The following AFAP1L1 variants were observed in gnomAD, a reference collection of about 807,000 sequenced individuals.
AFAP1L1 encodes actin filament-associated protein 1-like 1.
Under a neutral mutation model 99.8 loss-of-function variants are expected in AFAP1L1, and 77 were observed. The ratio of observed to expected loss-of-function variants is 0.77; its 90% CI spans 0.64 to 0.93. The LOEUF is 0.93. Among genes scored for constraint, AFAP1L1 ranks in the 40% least tolerant of loss-of-function variants. AFAP1L1 has a pLI of 0.00. For missense variants in AFAP1L1, 893 were observed against 996.8 expected (o/e 0.90, Z 1.40); for synonymous variants, 373 against 395.3 (o/e 0.94, Z 0.67).
intron 1 of AFAP1L1, among the ~76,000 whole-genome samples, chr5:149,298,784 C>T (rs187420451): frequency 4.2e-3 from 639 of 152,316 alleles, no homozygotes; most frequent in Middle Eastern, 0.014. Context: ...GATCTTGCAA[C>T]TCAGATGGTC....
At chr5:149,312,336 GGCACAACAGTA>G in intron 9 of AFAP1L1, 132 bp downstream of exon 9, 1 of 832,824 alleles carries the variant, frequency 1.2e-6, no homozygotes, top group Non-Finnish European at 2.1e-6. Flanking sequence ...GCACAGAGCT[GGCACAACAGTA>G]GGTGCTTAAT....
In AFAP1L1 at chr5:149,327,343, A is replaced by G. The variant is rs188925436; in HGVS notation, c.1811-2323A>G. ...ATAACAAACTTCCATAAGCTGGGTA[A>G]CTTATAAACAACAGAAATGTATTTC... is the stretch of plus-strand genomic sequence containing the variant. On this transcript the variant is annotated intron_variant, in intron 15 of 18. Transcript: ENST00000296721. 5.8e-4 allele frequency among the ~76,000 whole-genome samples: 88 copies of G among 152,290 alleles called. 1 individual carries two copies. In the South Asian group the frequency reaches 8.9e-3, roughly 15 times the overall value.
chr5:149,291,679 G>C (rs1367867778), intron 1 of AFAP1L1, among the ~76,000 whole-genome samples: 2 of 151,982 alleles, frequency 1.3e-5, no homozygotes, highest in Admixed American at 6.5e-5. Flanking sequence ...AGGGCGACTT[G>C]CCTCCCCACT....
In AFAP1L1 at chr5:149,332,850, G is replaced by C; in HGVS notation, c.2131G>C (p.Val711Leu). 6.2e-7 allele frequency: 1 copy of C among 1,604,270 alleles called. No homozygotes were observed. Among genetic ancestry groups the C allele is most frequent in the South Asian group, 1.1e-5 (1 of 89,902 alleles). ...LAGGPALGLSVSSKPKSGETA... is the reference protein window; with the variant it reads ...LAGGPALGLSLSSKPKSGETA... ...AGGAGGGCCAGCCCTGGGGCTCTCC[G>C]TGAGCAGCAAGCCCAAGAGTGGGGT... Residue 711 changes from valine (V) to leucine (L), a missense_variant, in exon 17 of 19, where the codon GTG (valine) becomes CTG (leucine). Val to Leu is a conservative substitution (Grantham distance 32, BLOSUM62 1). Coordinates refer to ENST00000296721, the MANE Select transcript of AFAP1L1 (RefSeq NM_152406.4).
intron 5 of AFAP1L1, among the ~76,000 whole-genome samples, chr5:149,303,108 A>AT (rs1318373729): frequency 2.0e-5 from 3 of 152,344 alleles, no homozygotes; most frequent in Middle Eastern, 3.4e-3. Flanking sequence ...TTAATTCAAC[A>AT]TATCTTTTAA....
chr5:149,309,356 A>G (rs1035641667), intron 7 of AFAP1L1, among the ~76,000 whole-genome samples: 2 of 152,178 alleles, frequency 1.3e-5, no homozygotes, highest in Admixed American at 6.5e-5. Flanking sequence ...TTGCATTCCT[A>G]GAATAAACCC....
intron 5 of AFAP1L1, among the ~76,000 whole-genome samples, chr5:149,303,779 T>C (rs1457531948): frequency 6.6e-6 from 1 of 152,210 alleles, no homozygotes; most frequent in Non-Finnish European, 1.5e-5. Context: ...AATAGAAATA[T>C]GGGTGAAGGG....
chr5:149,317,638 G>A (rs1756832696), intron 11 of AFAP1L1, 91 bp from the exon 12 acceptor site: 40 of 1,371,110 alleles, frequency 2.9e-5, no homozygotes, highest in Middle Eastern at 4.2e-4. Flanking sequence ...GGACCCCGAG[G>A]CCTTCTTTCC....
chr5:149,320,585 G>C lies in AFAP1L1; in HGVS notation c.1698+122G>C. On this transcript the variant is annotated intron_variant, in intron 14 of 18. Transcript: ENST00000296721. This position sits in a 1 kb window ranked among gnomAD's most constrained non-coding sequence, Gnocchi z 4.0. ...TTCATTTAAGCAGCAGTAGCTAGAA[G>C]GGGAGCCCCTTCTTATCATAGAGCA... 1 of 874,496 alleles carries C rather than the reference G, an allele frequency of 1.1e-6. No homozygotes were observed. Among genetic ancestry groups the C allele is most frequent in the South Asian group, 1.6e-5 (1 of 64,064 alleles). The allele number at this position is 874,496 out of a possible 1,614,324, so 54.2% of individuals were successfully genotyped here.
chr5:149,330,921 TA>T lies in AFAP1L1; in HGVS notation c.1975+1099del, dbSNP rs1387441485. The stretch of plus-strand genomic sequence containing the variant: ...ATGCCTGATACATGGTAAGCATTTT[TA>T]AAAAAAATTTTTTTTTAATTTTTGC... On this transcript the variant is annotated intron_variant, in intron 16 of 18. Coordinates refer to ENST00000296721, the MANE Select transcript of AFAP1L1 (RefSeq NM_152406.4). Among the ~76,000 whole-genome samples, 51 of 152,138 alleles carry T rather than the reference TA, an allele frequency of 3.4e-4. 2 individuals carry two copies. The highest frequency in any genetic ancestry group is 1.3e-4 in the Non-Finnish European group (9 of 68,036).
intron 18 of AFAP1L1, among the ~76,000 whole-genome samples, chr5:149,338,807 G>T (rs568163541): frequency 1.2e-3 from 185 of 152,342 alleles, no homozygotes; most frequent in African/African-American, 4.2e-3. Context: ...GACCTGAATG[G>T]AGTGTGAGGG....
At chr5:149,314,703 G>A (rs1241366879) in intron 9 of AFAP1L1, among the ~76,000 whole-genome samples, 2 of 152,180 alleles carry the variant, frequency 1.3e-5, no homozygotes, top group Non-Finnish European at 1.5e-5. Flanking sequence ...TTTGGAAACT[G>A]AGAGGTGCAC....
At position 149,340,359 on chromosome 5, in the gene AFAP1L1, G is replaced by GT; in HGVS notation, c.*330dup. On this transcript the variant is annotated 3_prime_UTR_variant, in exon 19 of 19. Coordinates refer to ENST00000296721, the MANE Select transcript of AFAP1L1 (RefSeq NM_152406.4). ...AAGGGAAGAAGTAATGAAAGCACAT[G>GT]TGAATAACCCCTTCCATCCCATTCA... 3.6e-6 allele frequency: 1 copy of GT among 278,794 alleles called. No individual in the cohort carries two copies. Among genetic ancestry groups the GT allele is most frequent in the African/African-American group, 2.1e-5 (1 of 47,380 alleles). The allele number at this position is 278,794 out of a possible 1,614,324, so 17.3% of individuals were successfully genotyped here. A position where few individuals can be genotyped will look rare whatever the true frequency, so the allele number is the denominator to read the frequency against.
At chr5:149,274,301 C>T (rs938880555) in intron 1 of AFAP1L1, among the ~76,000 whole-genome samples, 9 of 152,286 alleles carry the variant, frequency 5.9e-5, no homozygotes, top group South Asian at 2.1e-4. Flanking sequence ...TTATAGTGCA[C>T]CTCGAATTGA....
chr5:149,318,492 C>T (rs923122421), intron 12 of AFAP1L1, among the ~76,000 whole-genome samples: 5 of 152,218 alleles, frequency 3.3e-5, no homozygotes, highest in Non-Finnish European at 7.3e-5. Flanking sequence ...GAGTTGAAAT[C>T]TTTAAGCTCC....
intron 15 of AFAP1L1, among the ~76,000 whole-genome samples, chr5:149,326,545 T>G (rs200687122): frequency 7.7e-6 from 1 of 129,662 alleles, no homozygotes; most frequent in African/African-American, 3.0e-5. Flanking sequence ...TCGCCAAAAA[T>G]AAAAAAAAAA....
At position 149,302,438 on chromosome 5, in the gene AFAP1L1, G is replaced by A. The variant is rs374210621; in HGVS notation, c.348G>A (p.Pro116=). 406 of 1,590,172 alleles carry A rather than the reference G, an allele frequency of 2.6e-4. No homozygotes were observed. Among genetic ancestry groups the A allele is most frequent in the South Asian group, 1.3e-3 (111 of 87,014 alleles). ...TGCAGGCGGCCGACCTGCCTCCACCGCTCCCCAACAAGCCTCCCCCTGAGG... is the reference window on the plus strand; with the variant it reads ...TGCAGGCGGCCGACCTGCCTCCACCACTCCCCAACAAGCCTCCCCCTGAGG... ...RLRNAADLPP[P]LPNKPPPEDY... The change falls in exon 5 of 19, where the codon CCG becomes CCA. Residue 116 remains proline, a synonymous_variant. Coordinates refer to ENST00000296721, the MANE Select transcript of AFAP1L1 (RefSeq NM_152406.4).
chr5:149,327,952 A>C (rs1261075322), intron 15 of AFAP1L1, among the ~76,000 whole-genome samples: 1 of 151,608 alleles, frequency 6.6e-6, no homozygotes, highest in Non-Finnish European at 1.5e-5. Flanking sequence ...GCTCAGTGAA[A>C]TCCAAGTAAG....
chr5:149,282,973 A>C (rs952057396), intron 1 of AFAP1L1, among the ~76,000 whole-genome samples: 1 of 152,210 alleles, frequency 6.6e-6, no homozygotes, highest in African/African-American at 2.4e-5. Context: ...CTATGGGTGA[A>C]GTGGGAATGA....
Sources: allele counts gnomAD v4.1 joint callset (sites outside exome capture counted in the v4.1 genomes callset), GRCh38; gene constraint gnomAD v4.1.1; non-coding constraint Gnocchi (gnomAD v3.1); transcripts MANE v1.5; gene names NCBI Gene and HGNC (gene_info 2026-07-23, HGNC 2026-07-21).